The following CDC20B variants were observed in gnomAD, a reference collection of about 807,000 sequenced individuals.
CDC20B encodes cell division cycle protein 20 homolog B.
A neutral mutation model predicts 64.1 loss-of-function variants in CDC20B; 58 were observed. That is an observed-to-expected ratio of 0.90 (90% CI 0.73 to 1.13). The LOEUF (loss-of-function observed/expected upper bound fraction) is 1.13. Ranked by LOEUF, CDC20B falls within the 50% of genes most tolerant of loss-of-function variation. The pLI, the probability that CDC20B is intolerant of heterozygous loss-of-function variation, is 0.00. For synonymous variants in CDC20B, 243 were observed against 230.6 expected (o/e 1.05, Z -0.49); for missense variants, 597 against 633.0 (o/e 0.94, Z 0.61).
At chr5:55,129,490 G>A (rs1159023271) in intron 6 of CDC20B, among the ~76,000 whole-genome samples, 1 of 152,136 alleles carries the variant, frequency 6.6e-6, no homozygotes, top group Non-Finnish European at 1.5e-5. Context: ...CATATTTCTG[G>A]TCAGAGAAAC....
At position 55,119,790 on chromosome 5, in the gene CDC20B, C is replaced by G; in HGVS notation, c.1459+11G>C. The stretch of plus-strand genomic sequence containing the variant: ...ATAGGTGCATGGCATTTTACTCACC[C>G]ATTTGCTTACCAAAAAACCCACCTG... On this transcript the variant is annotated intron_variant, in intron 11 of 11. Coordinates refer to ENST00000381375, the MANE Select transcript of CDC20B (RefSeq NM_001170402.1). 2 of 1,543,226 alleles carry G rather than the reference C, an allele frequency of 1.3e-6. No homozygotes were observed. Among genetic ancestry groups the G allele is most frequent in the Non-Finnish European group, 9.0e-7 (1 of 1,115,736 alleles).
At chr5:55,130,758 A>T (rs1012674738) in intron 6 of CDC20B, among the ~76,000 whole-genome samples, 1 of 152,208 alleles carries the variant, frequency 6.6e-6, no homozygotes, top group Admixed American at 6.5e-5. Context: ...TTTTCCTCTT[A>T]AGCTATTTAA....
At chr5:55,170,260 C>T (rs1001054977) in intron 2 of CDC20B, among the ~76,000 whole-genome samples, 2 of 152,098 alleles carry the variant, frequency 1.3e-5, no homozygotes, top group Non-Finnish European at 2.9e-5. Flanking sequence ...AATACTTAAA[C>T]ACTGTCTACT....
intron 5 of CDC20B, among the ~76,000 whole-genome samples, chr5:55,134,227 A>G (rs1743101529): frequency 6.6e-6 from 1 of 152,210 alleles, no homozygotes; most frequent in Non-Finnish European, 1.5e-5. Flanking sequence ...GATAAAATCA[A>G]AAGAAACCAA....
chr5:55,136,395 C>A (rs1437929279), intron 5 of CDC20B: 3 of 152,032 alleles, frequency 2.0e-5, no homozygotes, highest in Non-Finnish European at 4.4e-5. Flanking sequence ...CCTGCCTCTA[C>A]TAAAAGTACA....
chr5:55,162,002 T>G (rs1744091030), intron 2 of CDC20B, among the ~76,000 whole-genome samples: 1 of 151,198 alleles, frequency 6.6e-6, no homozygotes, highest in South Asian at 2.1e-4. Context: ...CTTCTTAAGA[T>G]TGTTTGGAAT....
intron 4 of CDC20B, among the ~76,000 whole-genome samples, chr5:55,143,223 T>A (rs1743377485): frequency 1.3e-5 from 2 of 152,220 alleles, no homozygotes; most frequent in African/African-American, 4.8e-5. Context: ...GTAATAAGTA[T>A]AATTTCATTA....
intron 2 of CDC20B, among the ~76,000 whole-genome samples, chr5:55,157,885 G>A (rs931268316): frequency 6.6e-6 from 1 of 152,196 alleles, no homozygotes; most frequent in Non-Finnish European, 1.5e-5. Flanking sequence ...CAGTTATAAT[G>A]ACTTGGGTTT....
At chr5:55,139,646 A>G (rs1011789112) in intron 5 of CDC20B, among the ~76,000 whole-genome samples, 2 of 152,246 alleles carry the variant, frequency 1.3e-5, no homozygotes, top group Admixed American at 6.5e-5. Context: ...ATAGTTGTGT[A>G]GTAATATGAT....
intron 9 of CDC20B, among the ~76,000 whole-genome samples, chr5:55,124,298 C>T (rs943293554): frequency 7.9e-5 from 12 of 152,088 alleles, no homozygotes; most frequent in African/African-American, 2.9e-4. Flanking sequence ...CAAAGGCAGA[C>T]TAGAGTCCTC....
intron 2 of CDC20B, among the ~76,000 whole-genome samples, chr5:55,171,658 A>G (rs1744604329): frequency 6.6e-6 from 1 of 152,084 alleles, no homozygotes; most frequent in Non-Finnish European, 1.5e-5. Flanking sequence ...GCTGGAGTGC[A>G]GTTGTGCAAT....
rs771475794 is a variant in CDC20B, at chr5:55,114,262, A to C, written c.1516T>G (p.Ser506Ala). 5.6e-6 allele frequency: 9 copies of C among 1,613,988 alleles called. No individual in the cohort carries two copies. The South Asian group carries it at 9.9e-5, about 18-fold the overall frequency. Residue 506 changes from serine (S) to alanine (A), a missense_variant, in exon 12 of 12, where the codon TCT becomes GCT. This residue lies in a region of CDC20B where 353 missense variants were observed against 397.0 expected (regional missense o/e 0.89). Transcript: ENST00000381375. This position sits in a 1 kb window ranked among gnomAD's most constrained non-coding sequence, Gnocchi z 4.1. Reference sequence around the variant, plus strand: ...GAGGCCGTCCCATCAGCTGCAGCAGAAAACACCCGGGTCTGGTCTGGACTC... The same window carrying C: ...GAGGCCGTCCCATCAGCTGCAGCAGCAAACACCCGGGTCTGGTCTGGACTC... ...SLSPDQTRVF[S>A]AAADGTASVW... is the part of the protein sequence containing the mutation.
Position 55,114,010 on chromosome 5 carries a change from A to C in CDC20B, c.*208T>G. On this transcript the variant is annotated 3_prime_UTR_variant, in exon 12 of 12. Coordinates refer to ENST00000381375, the MANE Select transcript of CDC20B (RefSeq NM_001170402.1). This position sits in a 1 kb window ranked among gnomAD's most constrained non-coding sequence, Gnocchi z 4.1. ...GAGGAGGGGGAGGAAGAGGGGCAGA[A>C]AGAAGAAAGCAGAGAAGAAAAGAAG... The C allele has an allele frequency of 2.4e-6, 2 of 836,746 alleles. No homozygotes were observed. Among genetic ancestry groups the C allele is most frequent in the South Asian group, 4.9e-5 (2 of 41,044 alleles). 51.8% of individuals were successfully genotyped at this position (836,746 alleles called of 1,614,324 possible).
intron 2 of CDC20B, chr5:55,160,207 A>G (rs972371001): frequency 1.2e-6 from 2 of 1,613,934 alleles, no homozygotes; most frequent in Admixed American, 1.7e-5. Flanking sequence ...AGCCTCTTGC[A>G]GCTTACCCGC....
At chr5:55,164,814 G>A (rs1744294573) in intron 2 of CDC20B, 1 of 152,038 alleles carries the variant, frequency 6.6e-6, no homozygotes, top group Admixed American at 6.6e-5. Context: ...TTAAGTACAG[G>A]TTCCTAGTGT....
chr5:55,130,020 C>T (rs1742988952), intron 6 of CDC20B, among the ~76,000 whole-genome samples: 2 of 152,114 alleles, frequency 1.3e-5, no homozygotes, highest in Admixed American at 6.6e-5. Flanking sequence ...TTATCAAAGA[C>T]TTTAAAGCAG....
intron 2 of CDC20B, among the ~76,000 whole-genome samples, chr5:55,147,990 C>T (rs1743544924): frequency 6.6e-6 from 1 of 152,168 alleles, no homozygotes; most frequent in Admixed American, 6.5e-5. Context: ...AGTGAACCAT[C>T]CCATGTAGCC....
chr5:55,160,070 G>A, intron 2 of CDC20B: 2 of 675,564 alleles, frequency 3.0e-6, no homozygotes, highest in Admixed American at 2.6e-5. Flanking sequence ...TGGTCTTTCT[G>A]TTCCTTAGCA....
chr5:55,146,412 G>GTTTTGT (rs757686766), intron 3 of CDC20B, among the ~76,000 whole-genome samples: 4 of 152,148 alleles, frequency 2.6e-5, no homozygotes, highest in Non-Finnish European at 4.4e-5. Flanking sequence ...TTTGTCTAAA[G>GTTTTGT]TTTTGTTTTT....
Sources: gnomAD v4.1 joint callset for allele counts (sites outside exome capture counted in the v4.1 genomes callset) on GRCh38, gnomAD v4.1.1 for gene constraint, gnomAD v4.1.1 regional missense constraint, Gnocchi (gnomAD v3.1) non-coding constraint, MANE v1.5 for transcripts, NCBI Gene and HGNC (gene_info 2026-07-23, HGNC 2026-07-21) for gene names.